The following SYTL5 variants were observed in gnomAD, a reference collection of about 807,000 sequenced individuals.
SYTL5 encodes the protein synaptotagmin-like protein 5.
Under a neutral mutation model 55.9 loss-of-function variants are expected in SYTL5, and 34 were observed. The observed-to-expected ratio is 0.61, with a 90% CI of 0.46 to 0.81. The LOEUF is 0.81. Among genes scored for constraint, SYTL5 ranks in the 30% least tolerant of loss-of-function variants. SYTL5 has a pLI of 0.00. For missense variants in SYTL5, 637 were observed against 546.7 expected (o/e 1.17, Z -1.65); for synonymous variants, 221 against 188.7 (o/e 1.17, Z -1.40).
intron 2 of SYTL5, among the ~76,000 whole-genome samples, chrX:38,043,881 A>G (rs966616589): frequency 9.2e-6 from 1 of 108,360 alleles, no homozygotes; most frequent in Non-Finnish European, 1.9e-5. Context: ...TTTCCATATA[A>G]CATGAATGTG....
At chrX:37,975,627 G>A in the SYTL5 span, among the ~76,000 whole-genome samples, 1 of 111,766 alleles carries the variant, frequency 8.9e-6, no homozygotes, top group African/African-American at 3.3e-5. Flanking sequence ...TGGTCACAGA[G>A]TGGGTGGAGT....
intron 16 of SYTL5, 125 bp downstream of exon 16, chrX:38,125,631 A>G: frequency 2.0e-6 from 1 of 496,906 alleles, no homozygotes; most frequent in South Asian, 3.2e-5. Context: ...AATTACCACA[A>G]ATACTTCATT....
At chrX:37,901,072 A>G in the SYTL5 span, among the ~76,000 whole-genome samples, 1 of 111,977 alleles carries the variant, frequency 8.9e-6, no homozygotes, top group Non-Finnish European at 1.9e-5. Flanking sequence ...CTGGTGCCAA[A>G]GTGGGTGCTT....
At chrX:37,976,570 T>A in the SYTL5 span, among the ~76,000 whole-genome samples, 1 of 111,900 alleles carries the variant, frequency 8.9e-6, no homozygotes, top group African/African-American at 3.3e-5. Context: ...TTGACACTCA[T>A]AAAAGTGAAA....
At chrX:38,022,759 G>A (rs941911951) in intron 1 of SYTL5, among the ~76,000 whole-genome samples, 2 of 112,128 alleles carry the variant, frequency 1.8e-5, no homozygotes, top group Non-Finnish European at 3.8e-5. Context: ...GGACTTCTCT[G>A]GGAGCCATTA....
chrX:38,053,667 C>T (rs1935685249), intron 2 of SYTL5, among the ~76,000 whole-genome samples: 1 of 111,621 alleles, frequency 9.0e-6, no homozygotes, highest in Non-Finnish European at 1.9e-5. Flanking sequence ...GGAGATTGTG[C>T]CTACAATGAT....
the SYTL5 span, among the ~76,000 whole-genome samples, chrX:37,962,413 T>G: frequency 3.6e-5 from 4 of 111,961 alleles, no homozygotes; most frequent in Non-Finnish European, 7.5e-5. Flanking sequence ...CTCATCTTTT[T>G]TATGGCTGCA....
Position 38,122,171 on chromosome X carries a change from G to C in SYTL5, c.1797G>C (p.Leu599Phe). Residue 599 changes from leucine to phenylalanine, a missense_variant, in exon 15 of 17, where the codon TTG becomes TTC. Transcript: ENST00000297875. ...LEVFIKEAKN[L>F]TAVKSGGTSD... The stretch of plus-strand genomic sequence containing the variant: ...TGTTCATCAAAGAGGCAAAGAATTT[G>C]ACAGCAGTGAAGTCAGGAGGCACTT... 1 of 1,209,073 alleles carries C rather than the reference G, an allele frequency of 8.3e-7. No homozygotes were observed. Among genetic ancestry groups the C allele is most frequent in the Non-Finnish European group, 1.1e-6 (1 of 893,652 alleles).
chrX:37,917,935 T>G, the SYTL5 span, among the ~76,000 whole-genome samples: 1 of 111,814 alleles, frequency 8.9e-6, no homozygotes, highest in South Asian at 3.7e-4. Flanking sequence ...TTTCCAAGAT[T>G]TTTTTCTGGT....
At chrX:38,111,940 T>C (rs1057293607) in intron 13 of SYTL5, among the ~76,000 whole-genome samples, 3 of 111,149 alleles carry the variant, frequency 2.7e-5, no homozygotes, top group Middle Eastern at 4.3e-3. Context: ...ATATCTAAGC[T>C]CCCCTAGACC....
chrX:37,947,989 A>G, the SYTL5 span, among the ~76,000 whole-genome samples: 1 of 111,941 alleles, frequency 8.9e-6, no homozygotes, highest in East Asian at 2.8e-4. Flanking sequence ...CAAAGTACCA[A>G]ATGACTCAGT....
At chrX:38,096,098 T>C in intron 8 of SYTL5, 36 bp from the exon 9 acceptor site, 9 of 800,705 alleles carry the variant, frequency 1.1e-5, no homozygotes, top group Non-Finnish European at 1.6e-5. Context: ...CAAAACAGGC[T>C]GACTCACGTC....
chrX:37,895,433 C>CTTCCTTCCTTCCTTCCTTCCTTCT, the SYTL5 span, among the ~76,000 whole-genome samples: 1 of 91,215 alleles, frequency 1.1e-5, no homozygotes, highest in African/African-American at 5.4e-5. Flanking sequence ...TCCTTCCTTC[C>CTTCCTTCCTTCCTTCCTTCCTTCT]TTCCTTCCTT....
chrX:38,049,210 C>G (rs1452294206), intron 2 of SYTL5, among the ~76,000 whole-genome samples: 1 of 112,159 alleles, frequency 8.9e-6, no homozygotes, highest in Non-Finnish European at 1.9e-5. Flanking sequence ...TAGAGAAGTA[C>G]TTAGCTTGCA....
At position 38,125,488 on chromosome X, in the gene SYTL5, C is replaced by T. The variant is rs866376299; in HGVS notation, c.2032C>T (p.Arg678Cys). Residue 678 changes from arginine to cysteine, a missense_variant, in exon 16 of 17, where the codon CGT becomes TGT. Physicochemically the swap from Arg to Cys is radical, Grantham distance 180. Coordinates refer to ENST00000297875, the MANE Select transcript of SYTL5 (RefSeq NM_138780.3). Reference sequence around the variant, plus strand: ...CAGCAACATCTTTCTGGGAGGAGTTCGTTTGAATTCTGGAAGTGGTGAGGG... The same window carrying T: ...CAGCAACATCTTTCTGGGAGGAGTTTGTTTGAATTCTGGAAGTGGTGAGGG... ...FSSNIFLGGVRLNSGSGVSHG... is the reference protein window; with the variant it reads ...FSSNIFLGGVCLNSGSGVSHG... The T allele has an allele frequency of 5.8e-6, 7 of 1,208,730 alleles. No homozygotes were observed. Among genetic ancestry groups the T allele is most frequent in the South Asian group, 5.3e-5 (3 of 56,706 alleles).
intron 1 of SYTL5, among the ~76,000 whole-genome samples, chrX:38,022,620 T>C (rs1934595367): frequency 8.9e-6 from 1 of 112,221 alleles, no homozygotes; most frequent in Non-Finnish European, 1.9e-5. Flanking sequence ...GTAAGGATCA[T>C]TGTGATTACA....
chrX:38,106,532 G>T (rs1937213925), intron 10 of SYTL5, 61 bp from the exon 11 acceptor site: 1 of 995,754 alleles, frequency 1.0e-6, no homozygotes, highest in South Asian at 2.7e-5. Flanking sequence ...GAAATGAGTT[G>T]ATTCTGTGAA....
At chrX:37,911,135 T>G in the SYTL5 span, among the ~76,000 whole-genome samples, 3 of 108,685 alleles carry the variant, frequency 2.8e-5, no homozygotes. Context: ...CCAGCTAATT[T>G]TTTAAAAAAT....
intron 2 of SYTL5, among the ~76,000 whole-genome samples, chrX:38,044,329 G>C (rs1038008595): frequency 9.0e-6 from 1 of 111,611 alleles, no homozygotes; most frequent in African/African-American, 3.3e-5. Flanking sequence ...AAGGTAAAAT[G>C]GGAAAAAGTA....
Sources: allele counts gnomAD v4.1 joint callset (sites outside exome capture counted in the v4.1 genomes callset), GRCh38; gene constraint gnomAD v4.1.1; transcripts MANE v1.5; gene names NCBI Gene and HGNC (gene_info 2026-07-23, HGNC 2026-07-21).